Variants in AKAP10 observed in about 807,000 individuals in gnomAD.
AKAP10 encodes A-kinase anchoring protein 10.
In AKAP10, 24 loss-of-function variants were observed where a neutral mutation model predicts 80.8. That is an observed-to-expected ratio of 0.30 (90% CI 0.22 to 0.42). The LOEUF is 0.42. AKAP10 is among the 10% of genes least tolerant of loss of function. The probability of loss-of-function intolerance (pLI) is 1.00; values close to 1 mark genes in which losing one functional copy is unlikely to be tolerated. For synonymous variants in AKAP10, 291 were observed against 277.7 expected (o/e 1.05, Z -0.48); for missense variants, 661 against 794.9 (o/e 0.83, Z 2.03).
intron 4 of AKAP10, among the ~76,000 whole-genome samples, chr17:19,950,751 C>CG (rs2043193045): frequency 6.6e-6 from 1 of 151,780 alleles, no homozygotes; most frequent in Non-Finnish European, 1.5e-5. Flanking sequence ...AAGTGAGGAG[C>CG]GTCTCTGCCT....
At chr17:19,927,227 A>G (rs1030317994) in intron 10 of AKAP10, among the ~76,000 whole-genome samples, 3 of 152,138 alleles carry the variant, frequency 2.0e-5, no homozygotes, top group African/African-American at 7.2e-5. Flanking sequence ...CTAGCTATTC[A>G]GGAGGCTGAA....
chr17:19,936,311 C>T lies in AKAP10; in HGVS notation c.1442G>A (p.Arg481His), dbSNP rs375240401. The change falls in exon 9 of 15, where the codon CGT becomes CAT. Residue 481 changes from arginine (R) to histidine (H), a missense_variant. Arg to His is a conservative substitution (Grantham distance 29, BLOSUM62 0). Transcript: ENST00000225737. ...CTTCTCCATGGTTGTCCAGGCCTGACGTAATGGAGTTGTGAAACAGTTGGG... is the reference window on the plus strand; with the variant it reads ...CTTCTCCATGGTTGTCCAGGCCTGATGTAATGGAGTTGTGAAACAGTTGGG... ...PLPNCFTTPL[R>H]QAWTTMEKVF... The T allele has an allele frequency of 5.4e-5, 87 of 1,613,560 alleles. No individual in the cohort carries two copies. Among genetic ancestry groups the T allele is most frequent in the Admixed American group, 1.3e-4 (8 of 59,966 alleles).
intron 4 of AKAP10, among the ~76,000 whole-genome samples, chr17:19,954,957 C>T (rs947481043): frequency 2.6e-5 from 4 of 151,872 alleles, no homozygotes; most frequent in Admixed American, 1.3e-4. Context: ...CAGTGGCTCA[C>T]GCCTGTAATC....
intron 12 of AKAP10, among the ~76,000 whole-genome samples, chr17:19,913,141 G>A (rs1180206120): frequency 1.4e-5 from 2 of 143,452 alleles, no homozygotes; most frequent in South Asian, 2.2e-4. Flanking sequence ...CCGCCACCAC[G>A]CCTGGCTAAT....
Position 19,968,338 on chromosome 17 carries a change from A to G in AKAP10, c.136+76T>C, listed in dbSNP as rs34009320. On this transcript the variant is annotated intron_variant, in intron 2 of 14. Coordinates refer to ENST00000225737, the MANE Select transcript of AKAP10 (RefSeq NM_007202.4). ...AATGATTAATGCCAAAAGAGAGAGT[A>G]TAACAGGATTAAAGAACTCACAAAT... is the stretch of plus-strand genomic sequence containing the variant. 1.1e-5 allele frequency: 12 copies of G among 1,135,706 alleles called. No individual in the cohort carries two copies. In the East Asian group the frequency reaches 2.8e-4, roughly 27 times the overall value. The allele number at this position is 1,135,706 out of a possible 1,614,324, so 70.4% of individuals were successfully genotyped here.
intron 14 of AKAP10, among the ~76,000 whole-genome samples, chr17:19,908,455 T>A (rs2042654880): frequency 6.6e-6 from 1 of 152,124 alleles, no homozygotes; most frequent in African/African-American, 2.4e-5. Context: ...CAGCAATCAT[T>A]CAGCCTACTA....
At chr17:19,946,866 G>A (rs1470812121) in intron 5 of AKAP10, among the ~76,000 whole-genome samples, 1 of 152,162 alleles carries the variant, frequency 6.6e-6, no homozygotes, top group African/African-American at 2.4e-5. Context: ...AATGCAGGTA[G>A]ACATCCAGGG....
In AKAP10 at chr17:19,940,949, T is replaced by A. The variant is rs376092191; in HGVS notation, c.1123A>T (p.Ser375Cys). 3.7e-6 allele frequency: 6 copies of A among 1,612,130 alleles called. No individual in the cohort carries two copies. The highest frequency in any genetic ancestry group is 4.2e-6 in the Non-Finnish European group (5 of 1,179,516). ...ATGTCAGCCAGGTAAACAGTTCCAC[T>A]GGTCAGCACTTCAATCTGGTATTTA... The part of the protein sequence containing the change: ...FCKYQIEVLT[S>C]GTVYLADILF... Residue 375 changes from serine (S) to cysteine (C), a missense_variant, in exon 7 of 15, where the codon AGT (serine) becomes TGT (cysteine). Ser to Cys is a moderately radical substitution (Grantham distance 112). Coordinates refer to ENST00000225737, the MANE Select transcript of AKAP10 (RefSeq NM_007202.4).
chr17:19,947,425 T>C lies in AKAP10; in HGVS notation c.958A>G (p.Met320Val), dbSNP rs778405303. ...TGCTTACCTATGATGTCATTTCTCATTGCTTCTGTAATTGGTATTGGTTTA... is the reference window on the plus strand; with the variant it reads ...TGCTTACCTATGATGTCATTTCTCACTGCTTCTGTAATTGGTATTGGTTTA... ...AAKPIPITEA[M>V]RNDIIARICG... Residue 320 changes from methionine (M) to valine (V), a missense_variant, in exon 5 of 15, where the codon ATG becomes GTG. Physicochemically the swap from Met to Val is conservative, Grantham distance 21. Transcript: ENST00000225737. The C allele has an allele frequency of 1.1e-5, 18 of 1,609,736 alleles. No homozygotes were observed. Among genetic ancestry groups the C allele is most frequent in the Middle Eastern group, 3.3e-4 (2 of 6,074 alleles).
intron 1 of AKAP10, among the ~76,000 whole-genome samples, chr17:19,971,275 A>T (rs983942509): frequency 6.6e-6 from 1 of 151,808 alleles, no homozygotes; most frequent in Non-Finnish European, 1.5e-5. Flanking sequence ...TTGGGAGGCC[A>T]AGTTGGGTGG....
chr17:19,941,030 A>G lies in AKAP10; in HGVS notation c.1062-20T>C, dbSNP rs778213680. 148 of 1,587,800 alleles carry G rather than the reference A, an allele frequency of 9.3e-5. No homozygotes were observed. Among genetic ancestry groups the G allele is most frequent in the Non-Finnish European group, 1.2e-4 (138 of 1,172,708 alleles). ...AAGTGCCTGCACATGGACAAAAGGG[A>G]AAATTTGAGGGAACGACCAAGGAAA... On this transcript the variant is annotated intron_variant, in intron 6 of 14. Coordinates refer to ENST00000225737, the MANE Select transcript of AKAP10 (RefSeq NM_007202.4).
intron 5 of AKAP10, chr17:19,947,192 C>G (rs2043144220): frequency 1.9e-6 from 1 of 520,316 alleles, no homozygotes; most frequent in African/African-American, 1.9e-5. Flanking sequence ...TACACTGCAG[C>G]CCATCTGGCC....
At chr17:19,954,651 ATT>A (rs575010093) in intron 4 of AKAP10, among the ~76,000 whole-genome samples, 4 of 140,076 alleles carry the variant, frequency 2.9e-5, no homozygotes, top group African/African-American at 2.6e-5. Context: ...CGCCCGGCTA[ATT>A]TTTTTTTTTT....
chr17:19,940,463 G>A (rs1357727014), intron 7 of AKAP10, among the ~76,000 whole-genome samples: 1 of 152,192 alleles, frequency 6.6e-6, no homozygotes, highest in African/African-American at 2.4e-5. Flanking sequence ...TATACTCATT[G>A]TCTGTTGCAA....
rs35363359 is a variant in AKAP10, at chr17:19,963,211, C to CTT, written c.137-191_137-190dup. On this transcript the variant is annotated intron_variant, in intron 2 of 14. Transcript: ENST00000225737. ...GGTGGAAAATAGGAAAGAAAACACTCTTTTTTTTTTTTTTTTTTTTCCCAG... is the reference window on the plus strand; with the variant it reads ...GGTGGAAAATAGGAAAGAAAACACTCTTTTTTTTTTTTTTTTTTTTTTCCCAG... Among the ~76,000 whole-genome samples, 346 of 119,556 alleles carry CTT rather than the reference C, an allele frequency of 2.9e-3. 12 individuals carry two copies. The East Asian group carries it at 0.062, about 21-fold the overall frequency. 78.4% of individuals were successfully genotyped at this position (119,556 alleles called of 152,430 possible).
chr17:19,928,918 C>CTGTGTACTGTGTACTGTGT (rs879679988), intron 10 of AKAP10, among the ~76,000 whole-genome samples: 5,917 of 152,170 alleles, frequency 0.039, 155 homozygotes, highest in Non-Finnish European at 0.059. Flanking sequence ...AACTTGTACA[C>CTGTGTACTGTGTACTGTGT]AAATGGTCAC....
intron 10 of AKAP10, among the ~76,000 whole-genome samples, chr17:19,930,742 C>T (rs1292777367): frequency 6.6e-6 from 1 of 152,082 alleles, no homozygotes; most frequent in Non-Finnish European, 1.5e-5. Flanking sequence ...GATGGAGTCT[C>T]ACTCTGTCAC....
intron 4 of AKAP10, among the ~76,000 whole-genome samples, chr17:19,948,562 G>T (rs169412): frequency 0.42 from 64,302 of 151,796 alleles, 14,361 homozygotes; most frequent in African/African-American, 0.57. Context: ...AGAAGAAGTC[G>T]TGGCCACAGA....
chr17:19,906,259 G>GT, intron 14 of AKAP10, 27 bp from the exon 15 acceptor site: 1 of 1,598,898 alleles, frequency 6.3e-7, no homozygotes. Flanking sequence ...AAAGAAAATG[G>GT]TAAGGTGCAT....
Sources: gnomAD v4.1 joint callset for allele counts (sites outside exome capture counted in the v4.1 genomes callset) on GRCh38, gnomAD v4.1.1 for gene constraint, MANE v1.5 for transcripts, NCBI Gene and HGNC (gene_info 2026-07-23, HGNC 2026-07-21) for gene names.